KCNIP4: variants seen among roughly 807,000 people sequenced by gnomAD.
KCNIP4 encodes the protein potassium voltage-gated channel interacting protein 4.
KCNIP4 carries 12 observed loss-of-function variants against 34.0 expected under a neutral mutation model. The ratio of observed to expected loss-of-function variants is 0.35; its 90% CI spans 0.23 to 0.57. KCNIP4 has a LOEUF of 0.57. KCNIP4 is among the 20% of genes least tolerant of loss of function. The pLI is 0.83. For synonymous variants in KCNIP4, 124 were observed against 102.2 expected, an observed-to-expected ratio of 1.21 and a Z score of -1.29; for missense variants, 238 against 311.7, an observed-to-expected ratio of 0.76 and a Z score of 1.78.
intron 1 of KCNIP4, among the ~76,000 whole-genome samples, chr4:20,945,377 G>A (rs1057487420): frequency 2.0e-5 from 3 of 152,140 alleles, no homozygotes; most frequent in African/African-American, 7.2e-5. Context: ...ATTCAGTTGT[G>A]TTGGCAAGAA....
At chr4:20,731,967 G>C (rs750638798) in intron 8 of KCNIP4, 39 bp downstream of exon 8, 1 of 1,610,610 alleles carries the variant, frequency 6.2e-7, no homozygotes, top group Admixed American at 1.7e-5. Flanking sequence ...TAGCTGTTAT[G>C]ATAGCTGAAT....
At chr4:20,900,529 A>C (rs545010047) in intron 1 of KCNIP4, among the ~76,000 whole-genome samples, 19 of 152,330 alleles carry the variant, frequency 1.2e-4, no homozygotes, top group African/African-American at 4.6e-4. Flanking sequence ...TTCTCTTCAT[A>C]AATAAATCAT....
chr4:21,109,174 T>C (rs1748895348), intron 1 of KCNIP4, among the ~76,000 whole-genome samples: 1 of 152,160 alleles, frequency 6.6e-6, no homozygotes, highest in Non-Finnish European at 1.5e-5. Context: ...TACTGCTGTC[T>C]TTTTGTTTGT....
At chr4:21,035,030 C>G (rs959424442) in intron 1 of KCNIP4, among the ~76,000 whole-genome samples, 1 of 152,178 alleles carries the variant, frequency 6.6e-6, no homozygotes, top group Non-Finnish European at 1.5e-5. Flanking sequence ...CAATAAGGAT[C>G]CAAAGCAATT....
At chr4:21,523,192 GTTATTTATAAGGTACCAAGC>G (rs778182353) in intron 1 of KCNIP4, among the ~76,000 whole-genome samples, 36 of 152,096 alleles carry the variant, frequency 2.4e-4, no homozygotes, top group Non-Finnish European at 3.4e-4. Flanking sequence ...GTAATTTTCT[GTTATTTATAAGGTACCAAGC>G]TTATGGTATT....
chr4:21,586,377 A>G (rs1385975706), intron 1 of KCNIP4, among the ~76,000 whole-genome samples: 1 of 152,048 alleles, frequency 6.6e-6, no homozygotes, highest in Non-Finnish European at 1.5e-5. Flanking sequence ...TGAATAAAAG[A>G]GATGATGTCA....
chr4:21,357,887 C>A (rs564415996), intron 1 of KCNIP4, among the ~76,000 whole-genome samples: 53 of 152,210 alleles, frequency 3.5e-4, no homozygotes, highest in African/African-American at 1.3e-3. Flanking sequence ...TATTGTGGCA[C>A]TATTCACAAT....
Position 21,044,646 on chromosome 4 carries a change from C to T in KCNIP4, c.62-161937G>A, listed in dbSNP as rs545613236. Reference sequence around the variant, plus strand: ...TTGAACAGAATGCAGACTGACTCCACATGCTTCCAGAGCAAGAAGTCCAAC... The same window carrying T: ...TTGAACAGAATGCAGACTGACTCCATATGCTTCCAGAGCAAGAAGTCCAAC... On this transcript the variant is annotated intron_variant, in intron 1 of 8. Coordinates refer to ENST00000382152, the MANE Select transcript of KCNIP4 (RefSeq NM_025221.6). Among the ~76,000 whole-genome samples, 3 of 152,312 alleles carry T rather than the reference C, an allele frequency of 2.0e-5. No individual in the cohort carries two copies. In the South Asian group the frequency reaches 6.2e-4, roughly 32 times the overall value.
At chr4:20,880,655 A>G (rs1451152072) in intron 2 of KCNIP4, among the ~76,000 whole-genome samples, 1 of 152,198 alleles carries the variant, frequency 6.6e-6, no homozygotes, top group African/African-American at 2.4e-5. Flanking sequence ...TTTGAAAGTT[A>G]CATTTTACCT....
intron 1 of KCNIP4, among the ~76,000 whole-genome samples, chr4:21,461,983 G>T (rs995627417): frequency 8.6e-5 from 13 of 151,862 alleles, no homozygotes; most frequent in Non-Finnish European, 1.3e-4. Flanking sequence ...TATAATGCAT[G>T]ATGATCAAAT....
At chr4:21,187,706 AT>A (rs150873995) in intron 1 of KCNIP4, among the ~76,000 whole-genome samples, 10,291 of 149,446 alleles carry the variant, frequency 0.069, 479 homozygotes, top group South Asian at 0.15. Context: ...CAGAATCCTC[AT>A]TTTTTTTTTC....
intron 1 of KCNIP4, among the ~76,000 whole-genome samples, chr4:21,635,232 G>A (rs1291083217): frequency 6.6e-6 from 1 of 152,084 alleles, no homozygotes; most frequent in Non-Finnish European, 1.5e-5. Flanking sequence ...TGGAAAATGA[G>A]CAAATAAATG....
At chr4:21,061,657 T>G (rs1743930946) in intron 1 of KCNIP4, among the ~76,000 whole-genome samples, 1 of 152,170 alleles carries the variant, frequency 6.6e-6, no homozygotes, top group African/African-American at 2.4e-5. Flanking sequence ...TTTTAAAAAT[T>G]CAATTGTATT....
chr4:21,720,511 CCCCCATTCTGTTTTTTTTCTTT>C (rs1230032916), intron 1 of KCNIP4, among the ~76,000 whole-genome samples: 2 of 140,346 alleles, frequency 1.4e-5, no homozygotes, highest in African/African-American at 2.8e-5. Context: ...TGTTTTTTTT[CCCCCATTCTGTTTTTTTTCTTT>C]TTTTTTTTTT....
intron 1 of KCNIP4, among the ~76,000 whole-genome samples, chr4:21,417,144 C>T (rs16871045): frequency 0.017 from 2,561 of 152,236 alleles, 32 homozygotes; most frequent in Non-Finnish European, 0.023. Flanking sequence ...CCCTCTCACT[C>T]TATGAAGCCA....
intron 1 of KCNIP4, among the ~76,000 whole-genome samples, chr4:21,586,933 T>G (rs1741667177): frequency 1.3e-5 from 2 of 152,052 alleles, no homozygotes; most frequent in Admixed American, 1.3e-4. Context: ...CAAGGTATGA[T>G]TAGGACCATT....
At chr4:21,671,280 A>C (rs959112877) in intron 1 of KCNIP4, among the ~76,000 whole-genome samples, 1 of 152,206 alleles carries the variant, frequency 6.6e-6, no homozygotes, top group African/African-American at 2.4e-5. Context: ...ACATTCTTCA[A>C]ATGTAGCCAG....
intron 1 of KCNIP4, among the ~76,000 whole-genome samples, chr4:20,988,927 A>G (rs1450992235): frequency 1.3e-5 from 2 of 152,238 alleles, no homozygotes; most frequent in Non-Finnish European, 2.9e-5. Flanking sequence ...GAAAGTCGGC[A>G]CCAGTGGGAT....
At chr4:21,926,619 C>T (rs1729262407) in intron 1 of KCNIP4, among the ~76,000 whole-genome samples, 1 of 152,096 alleles carries the variant, frequency 6.6e-6, no homozygotes, top group South Asian at 2.1e-4. Context: ...AAATGAGACT[C>T]AGGAAGAACA....
Sources: allele counts gnomAD v4.1 joint callset (sites outside exome capture counted in the v4.1 genomes callset), GRCh38; gene constraint gnomAD v4.1.1; transcripts MANE v1.5; gene names NCBI Gene and HGNC (gene_info 2026-07-23, HGNC 2026-07-21).